SPART: variants seen among roughly 807,000 people sequenced by gnomAD.
SPART encodes spartin.
SPART carries 35 observed loss-of-function variants against 58.7 expected under a neutral mutation model. The observed-to-expected ratio is 0.60, with a 90% CI of 0.46 to 0.79. SPART has a LOEUF of 0.79. SPART is among the 30% of genes least tolerant of loss of function. The pLI is 0.00. For synonymous variants in SPART, 284 were observed against 280.7 expected (o/e 1.01, Z -0.12); for missense variants, 730 against 786.1 (o/e 0.93, Z 0.85).
chr13:36,335,177 T>G lies in SPART; in HGVS notation c.654A>C (p.Ala218=). The G allele has an allele frequency of 6.2e-7, 1 of 1,614,176 alleles. No homozygotes were observed. Among genetic ancestry groups the G allele is most frequent in the Non-Finnish European group, 8.5e-7 (1 of 1,180,014 alleles). Residue 218 remains alanine, a synonymous_variant, in exon 2 of 9, where the codon GCA becomes GCC. Transcript: ENST00000438666. ...CATTTGGTATCAAAATCAATTCATC[T>G]GCATCCAGCCCTAAGGTCTCAAGAG... ...PPPLETLGLD[A]DELILIPNGV...
intron 1 of SPART, among the ~76,000 whole-genome samples, chr13:36,356,833 G>A (rs1245744782): frequency 6.6e-6 from 1 of 152,192 alleles, no homozygotes; most frequent in East Asian, 1.9e-4. Flanking sequence ...ATAAGTAAGG[G>A]AGGATACATG....
intron 1 of SPART, among the ~76,000 whole-genome samples, chr13:36,356,705 A>G: frequency 6.6e-6 from 1 of 152,100 alleles, no homozygotes; most frequent in Non-Finnish European, 1.5e-5. Flanking sequence ...CACCTCGACC[A>G]CCTTGGGCAC....
At position 36,307,270 on chromosome 13, in the gene SPART, C is replaced by T. The variant is rs564401225; in HGVS notation, c.1734-2638G>A. 3.9e-5 allele frequency among the ~76,000 whole-genome samples: 6 copies of T among 152,144 alleles called. No individual in the cohort carries two copies. In the South Asian group the frequency reaches 6.2e-4, roughly 16 times the overall value. ...TGTGAAGTAGGCCTAAATAAGTCAA[C>T]GAGATTCAAAACTACAATTGAACCA... On this transcript the variant is annotated intron_variant, in intron 8 of 8. Transcript: ENST00000438666.
At chr13:36,309,728 C>T (rs1444340281) in intron 8 of SPART, among the ~76,000 whole-genome samples, 1 of 151,960 alleles carries the variant, frequency 6.6e-6, no homozygotes, top group Non-Finnish European at 1.5e-5. Context: ...GATTACTAGG[C>T]CGGGGAGGGA....
intron 4 of SPART, among the ~76,000 whole-genome samples, chr13:36,328,267 T>C (rs969387767): frequency 6.6e-6 from 1 of 152,208 alleles, no homozygotes; most frequent in Non-Finnish European, 1.5e-5. Context: ...ATTCATCAAT[T>C]CCAAAGATAA....
rs567107904 is a variant in SPART at position 36,362,452 on chromosome 13, C to G, written c.-3+7637G>C. Among the ~76,000 whole-genome samples the G allele has an allele frequency of 9.9e-5, 15 of 152,048 alleles. No homozygotes were observed. The South Asian group carries it at 3.1e-3, about 32-fold the overall frequency. ...AGCTATACCCAGATCTAATGAGTCA[C>G]AGCTGACTACATGTATTCACTACAT... On this transcript the variant is annotated intron_variant, in intron 1 of 8. Coordinates refer to the SPART transcript ENST00000355182.
chr13:36,352,156 CT>C (rs1175952855), intron 1 of SPART, among the ~76,000 whole-genome samples: 1 of 152,116 alleles, frequency 6.6e-6, no homozygotes, highest in African/African-American at 2.4e-5. Context: ...GATCTCATTA[CT>C]TTTTTCTTTC....
intron 8 of SPART, among the ~76,000 whole-genome samples, chr13:36,308,637 GT>G (rs59878469): frequency 0.4 from 56,373 of 142,002 alleles, 11,398 homozygotes; most frequent in African/African-American, 0.57. Flanking sequence ...AGTTAGGTAA[GT>G]TTTTTTTTTT....
At chr13:36,356,569 A>C (rs532242124) in intron 1 of SPART, among the ~76,000 whole-genome samples, 32 of 152,336 alleles carry the variant, frequency 2.1e-4, no homozygotes, top group African/African-American at 6.5e-4. Context: ...AAAATGTTTA[A>C]ATTTACCAGT....
chr13:36,309,255 A>C (rs1010778749), intron 8 of SPART, among the ~76,000 whole-genome samples: 12 of 152,058 alleles, frequency 7.9e-5, no homozygotes, highest in African/African-American at 2.2e-4. Flanking sequence ...AAAAAAAAAA[A>C]AAAACTGACA....
At chr13:36,328,583 T>C (rs373632664) in intron 4 of SPART, among the ~76,000 whole-genome samples, 3 of 152,320 alleles carry the variant, frequency 2.0e-5, no homozygotes, top group Admixed American at 6.5e-5. Context: ...TTTGCTAATC[T>C]GTTCTTTCCA....
At chr13:36,319,329 T>C in intron 5 of SPART, among the ~76,000 whole-genome samples, 1 of 144,284 alleles carries the variant, frequency 6.9e-6, no homozygotes, top group Non-Finnish European at 1.5e-5. Flanking sequence ...CCCCCCACCT[T>C]AACCCACAAG....
At chr13:36,349,958 A>C (rs1885348415), upstream of SPART, among the ~76,000 whole-genome samples, 1 of 152,212 alleles carries the variant, frequency 6.6e-6, no homozygotes, top group South Asian at 2.1e-4. Context: ...TTTCCTACAG[A>C]AGGCCATTCA....
chr13:36,322,272 C>T (rs892280393), intron 5 of SPART, among the ~76,000 whole-genome samples: 2 of 151,868 alleles, frequency 1.3e-5, no homozygotes, highest in African/African-American at 2.4e-5. Context: ...TATGGTGAAA[C>T]TTTGTGTTTA....
At chr13:36,329,246 G>T in intron 4 of SPART, 116 bp downstream of exon 4, 1 of 1,112,506 alleles carries the variant, frequency 9.0e-7, no homozygotes, top group Non-Finnish European at 1.4e-6. Flanking sequence ...TCACTTTGTT[G>T]ACTAATGCAC....
chr13:36,314,202 G>GA, intron 6 of SPART, 25 bp downstream of exon 6: 1 of 1,603,600 alleles, frequency 6.2e-7, no homozygotes, highest in Admixed American at 1.7e-5. Flanking sequence ...ACTTTAAAAA[G>GA]TAAAGTTATC....
chr13:36,368,701 T>G (rs959777098), intron 1 of SPART, among the ~76,000 whole-genome samples: 1 of 152,190 alleles, frequency 6.6e-6, no homozygotes, highest in African/African-American at 2.4e-5. Flanking sequence ...AGCACAAATA[T>G]AACAATTTAA....
chr13:36,360,373 A>G (rs1440310555), intron 1 of SPART, among the ~76,000 whole-genome samples: 1 of 152,034 alleles, frequency 6.6e-6, no homozygotes, highest in Non-Finnish European at 1.5e-5. Context: ...TACCCTAGTA[A>G]GTTCACTGGA....
intron 1 of SPART, among the ~76,000 whole-genome samples, chr13:36,363,892 A>T (rs1885960302): frequency 6.6e-6 from 1 of 152,182 alleles, no homozygotes; most frequent in Non-Finnish European, 1.5e-5. Flanking sequence ...ACCTTACATA[A>T]CCATAGTACA....
Sources: gnomAD v4.1 joint callset for allele counts (sites outside exome capture counted in the v4.1 genomes callset) on GRCh38, gnomAD v4.1.1 for gene constraint, MANE v1.5 for transcripts, NCBI Gene and HGNC (gene_info 2026-07-23, HGNC 2026-07-21) for gene names.